Variants in ZMAT4 observed in about 807,000 individuals in gnomAD.
ZMAT4 encodes the protein zinc finger matrin-type protein 4.
Under a neutral mutation model 28.7 loss-of-function variants are expected in ZMAT4, and 17 were observed. The observed-to-expected ratio is 0.59, with a 90% CI of 0.41 to 0.89. The LOEUF is 0.89. Among genes scored for constraint, ZMAT4 ranks in the 40% least tolerant of loss-of-function variants. The pLI is 0.00. For missense variants in ZMAT4, 240 were observed against 283.8 expected (o/e 0.85, Z 1.11); for synonymous variants, 117 against 109.2 (o/e 1.07, Z -0.44).
At chr8:40,718,349 A>T (rs1810941498) in intron 3 of ZMAT4, among the ~76,000 whole-genome samples, 1 of 152,184 alleles carries the variant, frequency 6.6e-6, no homozygotes, top group African/African-American at 2.4e-5. Context: ...TAGAGGAGGA[A>T]ATCTGCTTTG....
At position 40,607,117 on chromosome 8, in the gene ZMAT4, C is replaced by CTTTTTTTTTTTTT. The variant is rs71544299; in HGVS notation, c.578-25869_578-25857dup. 2.1e-4 allele frequency among the ~76,000 whole-genome samples: 14 copies of CTTTTTTTTTTTTT among 65,720 alleles called. 1 individual carries two copies. Among genetic ancestry groups the CTTTTTTTTTTTTT allele is most frequent in the African/African-American group, 2.6e-4 (4 of 15,392 alleles). 43.1% of individuals were successfully genotyped at this position (65,720 alleles called of 152,430 possible). On this transcript the variant is annotated intron_variant, in intron 5 of 6. Coordinates refer to ENST00000297737, the MANE Select transcript of ZMAT4 (RefSeq NM_024645.3). ...AGATTTTTTCTTTCATATCTTGTAT[C>CTTTTTTTTTTTTT]TTTTTTTTTTTTTTTTTTTTTTTTT...
chr8:40,834,360 A>C (rs1338645241), intron 1 of ZMAT4, among the ~76,000 whole-genome samples: 1 of 151,508 alleles, frequency 6.6e-6, no homozygotes, highest in Non-Finnish European at 1.5e-5. Flanking sequence ...TGAATTGTAG[A>C]CTCCAGGGGG....
intron 2 of ZMAT4, among the ~76,000 whole-genome samples, chr8:40,813,639 C>T (rs1355741716): frequency 6.6e-6 from 1 of 152,214 alleles, no homozygotes; most frequent in Non-Finnish European, 1.5e-5. Flanking sequence ...CGGGAGCTGG[C>T]TTTAGGGCCA....
intron 5 of ZMAT4, among the ~76,000 whole-genome samples, chr8:40,660,052 C>A (rs1158100197): frequency 6.6e-6 from 1 of 152,176 alleles, no homozygotes; most frequent in Non-Finnish European, 1.5e-5. Flanking sequence ...AAAAGCTGTG[C>A]TACCATGCCA....
At chr8:40,782,861 C>A (rs1586043741) in intron 2 of ZMAT4, among the ~76,000 whole-genome samples, 1 of 152,294 alleles carries the variant, frequency 6.6e-6, no homozygotes, top group South Asian at 2.1e-4. Context: ...AAAATAGGTC[C>A]TTGGAATATC....
intron 5 of ZMAT4, among the ~76,000 whole-genome samples, chr8:40,586,841 A>G (rs887509470): frequency 2.6e-5 from 4 of 152,216 alleles, no homozygotes; most frequent in African/African-American, 9.6e-5. Flanking sequence ...ACAAGAAACA[A>G]GTAAACAAAT....
chr8:40,627,859 G>T (rs942205894), intron 5 of ZMAT4, among the ~76,000 whole-genome samples: 28 of 152,156 alleles, frequency 1.8e-4, no homozygotes, highest in African/African-American at 6.5e-4. Flanking sequence ...GGGAGGGAAA[G>T]ATAAGTCCAT....
At chr8:40,735,403 C>T (rs1811720664) in intron 3 of ZMAT4, among the ~76,000 whole-genome samples, 1 of 152,074 alleles carries the variant, frequency 6.6e-6, no homozygotes, top group Non-Finnish European at 1.5e-5. Flanking sequence ...GTAAGGATTT[C>T]CATCCTTATA....
At chr8:40,541,812 G>A (rs191160529) in intron 6 of ZMAT4, among the ~76,000 whole-genome samples, 3 of 152,304 alleles carry the variant, frequency 2.0e-5, no homozygotes, top group Non-Finnish European at 4.4e-5. Flanking sequence ...GCAGTGCCTC[G>A]AAGTGCAGGG....
intron 2 of ZMAT4, among the ~76,000 whole-genome samples, chr8:40,790,201 C>T (rs1187217416): frequency 6.6e-6 from 1 of 151,938 alleles, no homozygotes; most frequent in East Asian, 1.9e-4. Context: ...TTTATTTCCA[C>T]AAAATAAAGA....
At chr8:40,774,341 T>C (rs1813502388) in intron 2 of ZMAT4, among the ~76,000 whole-genome samples, 2 of 152,164 alleles carry the variant, frequency 1.3e-5, no homozygotes, top group Non-Finnish European at 2.9e-5. Context: ...CCCATCAAAT[T>C]GGCAAGGATT....
chr8:40,596,947 C>G (rs1035739870), intron 5 of ZMAT4, among the ~76,000 whole-genome samples: 1 of 152,148 alleles, frequency 6.6e-6, no homozygotes, highest in South Asian at 2.1e-4. Flanking sequence ...AACTCCGGCT[C>G]CTGCTAATAA....
chr8:40,781,853 G>C (rs1813850645), intron 2 of ZMAT4, among the ~76,000 whole-genome samples: 1 of 147,752 alleles, frequency 6.8e-6, no homozygotes, highest in South Asian at 2.1e-4. Flanking sequence ...AACCATGCCA[G>C]CACAATTCAA....
At chr8:40,730,175 T>G (rs187813939) in intron 3 of ZMAT4, among the ~76,000 whole-genome samples, 3 of 152,326 alleles carry the variant, frequency 2.0e-5, no homozygotes, top group Admixed American at 6.5e-5. Context: ...CATGAGTATT[T>G]TTACAGTAAA....
At chr8:40,621,089 A>G (rs1220893967) in intron 5 of ZMAT4, among the ~76,000 whole-genome samples, 2 of 152,220 alleles carry the variant, frequency 1.3e-5, no homozygotes, top group Non-Finnish European at 1.5e-5. Flanking sequence ...CTAGCCTAAC[A>G]AGAGTGAGTA....
intron 1 of ZMAT4, among the ~76,000 whole-genome samples, chr8:40,861,896 C>T (rs891331309): frequency 2.6e-5 from 4 of 152,060 alleles, no homozygotes; most frequent in African/African-American, 7.2e-5. Context: ...GTTAGAATGG[C>T]AATCATTAAA....
At chr8:40,829,873 C>T (rs28680326) in intron 1 of ZMAT4, among the ~76,000 whole-genome samples, 122 of 152,042 alleles carry the variant, frequency 8.0e-4, no homozygotes, top group African/African-American at 2.3e-3. Flanking sequence ...AATCTTACTA[C>T]CACTAAGCAT....
At chr8:40,863,000 A>G in intron 1 of ZMAT4, among the ~76,000 whole-genome samples, 1 of 152,230 alleles carries the variant, frequency 6.6e-6, no homozygotes, top group South Asian at 2.1e-4. Context: ...GAAAGAAAGA[A>G]CAGCCTGTGC....
At chr8:40,865,759 G>A (rs146525684) in intron 1 of ZMAT4, among the ~76,000 whole-genome samples, 338 of 152,306 alleles carry the variant, frequency 2.2e-3, no homozygotes, top group African/African-American at 7.5e-3. Context: ...TTTAGACTCC[G>A]TCTTCTGCTG....
Sources: allele counts gnomAD v4.1 joint callset (sites outside exome capture counted in the v4.1 genomes callset), GRCh38; gene constraint gnomAD v4.1.1; transcripts MANE v1.5; gene names NCBI Gene and HGNC (gene_info 2026-07-23, HGNC 2026-07-21).